ZNF3: variants seen among roughly 807,000 people sequenced by gnomAD.
ZNF3 encodes C2-H2 type zinc finger protein.
ZNF3 carries 16 observed loss-of-function variants against 36.9 expected under a neutral mutation model. The observed-to-expected ratio is 0.43, with a 90% CI of 0.29 to 0.66. ZNF3 has a LOEUF of 0.66. ZNF3 is among the 30% of genes least tolerant of loss of function. The pLI is 0.13. For synonymous variants in ZNF3, 201 were observed against 201.9 expected, an observed-to-expected ratio of 1.00 and a Z score of 0.04; for missense variants, 462 against 543.1, an observed-to-expected ratio of 0.85 and a Z score of 1.48.
At chr7:100,073,785 G>A (rs1019793118) in intron 5 of ZNF3, among the ~76,000 whole-genome samples, 1 of 152,126 alleles carries the variant, frequency 6.6e-6, no homozygotes, top group Admixed American at 6.6e-5. Flanking sequence ...GCAAAGAGCA[G>A]CACCTCATGT....
At position 100,077,220 on chromosome 7, in the gene ZNF3, G is replaced by A. The variant is rs1214709746; in HGVS notation, c.55+83C>T. The A allele has an allele frequency of 4.5e-6, 7 of 1,548,694 alleles. No individual in the cohort carries two copies. The Admixed American group carries it at 1.2e-4, about 26-fold the overall frequency. On this transcript the variant is annotated intron_variant, in intron 3 of 5. Coordinates refer to ENST00000299667, the MANE Select transcript of ZNF3 (RefSeq NM_032924.5). ...ATTCACATCTGGATTCTAGTAGTTA[G>A]CCTAGTACCTGGTAAGTGAGCGATT...
chr7:100,065,861 C>T (rs1274696464), downstream of ZNF3, among the ~76,000 whole-genome samples: 1 of 148,324 alleles, frequency 6.7e-6, no homozygotes, highest in African/African-American at 2.5e-5. Flanking sequence ...GGCCAGGACT[C>T]CATTTATCAG....
chr7:100,071,647 C>T lies in ZNF3; in HGVS notation c.837G>A (p.Thr279=), dbSNP rs765738555. The T allele has an allele frequency of 1.1e-5, 18 of 1,612,746 alleles. No individual in the cohort carries two copies. In the African/African-American group the frequency reaches 1.2e-4, roughly 11 times the overall value. Residue 279 remains threonine (T), a synonymous_variant, in exon 6 of 6, where the codon ACG becomes ACA. Transcript: ENST00000299667. ...SALILHRRIH[T]GEKPYECNEC... ...CATTACATTCATAGGGTTTCTCCCCCGTGTGGATCCTCCGATGCAGAATGA... is the reference window on the plus strand; with the variant it reads ...CATTACATTCATAGGGTTTCTCCCCTGTGTGGATCCTCCGATGCAGAATGA...
downstream of ZNF3, among the ~76,000 whole-genome samples, chr7:100,068,002 A>T (rs1792732715): frequency 6.6e-6 from 1 of 152,202 alleles, no homozygotes; most frequent in Non-Finnish European, 1.5e-5. Context: ...ACATACTATG[A>T]AACTGTAGAA....
chr7:100,073,440 C>T (rs1030058357), intron 5 of ZNF3, among the ~76,000 whole-genome samples: 4 of 152,066 alleles, frequency 2.6e-5, no homozygotes, highest in Non-Finnish European at 5.9e-5. Flanking sequence ...CCTCCACCTC[C>T]CAGGTTCAAG....
chr7:100,078,125 C>T (rs1419573010), intron 2 of ZNF3, among the ~76,000 whole-genome samples: 1 of 152,130 alleles, frequency 6.6e-6, no homozygotes. Context: ...CAATATCCCG[C>T]CTTTGGCTGC....
chr7:100,076,542 T>G (rs1192825252), intron 3 of ZNF3, among the ~76,000 whole-genome samples: 1 of 152,164 alleles, frequency 6.6e-6, no homozygotes, highest in Non-Finnish European at 1.5e-5. Flanking sequence ...TCTGCCCGCC[T>G]CAGCCTCCCT....
intron 5 of ZNF3, 83 bp from the exon 6 acceptor site, chr7:100,072,295 T>C: frequency 7.8e-7 from 1 of 1,280,768 alleles, no homozygotes; most frequent in Non-Finnish European, 1.1e-6. Flanking sequence ...TTGTAACGAA[T>C]ACTTACAGTG....
rs1033194021 is a variant in ZNF3, at chr7:100,081,525, C to G, written c.-198+110G>C. ...CGGAGGGGCGCCTCCCCGAACCCTGCTCCGGGCCGGCCGGGGGACCCTGCG... is the reference window on the plus strand; with the variant it reads ...CGGAGGGGCGCCTCCCCGAACCCTGGTCCGGGCCGGCCGGGGGACCCTGCG... On this transcript the variant is annotated intron_variant, in intron 1 of 5. Transcript: ENST00000299667. The surrounding 1 kb of genome is among the most constrained non-coding windows in gnomAD (Gnocchi z 4.3). 6.6e-6 allele frequency: 1 copy of G among 152,488 alleles called. No homozygotes were observed. Among genetic ancestry groups the G allele is most frequent in the Non-Finnish European group, 1.5e-5 (1 of 68,258 alleles). The allele number at this position is 152,488 out of a possible 1,614,324, so 9.4% of individuals were successfully genotyped here. A position where few individuals can be genotyped will look rare whatever the true frequency, so the allele number is the denominator to read the frequency against.
intron 5 of ZNF3, among the ~76,000 whole-genome samples, chr7:100,072,800 T>C (rs961712036): frequency 6.6e-6 from 1 of 152,228 alleles, no homozygotes; most frequent in Non-Finnish European, 1.5e-5. Context: ...TAAAAGGCTA[T>C]GCTCGCACGT....
chr7:100,075,467 A>G (rs1214958942), intron 4 of ZNF3, 75 bp downstream of exon 4: 6 of 1,568,168 alleles, frequency 3.8e-6, no homozygotes, highest in South Asian at 1.1e-5. Flanking sequence ...GGAGGAGATC[A>G]GGGTTTAAAG....
chr7:100,077,374 C>T lies in ZNF3; in HGVS notation c.-17G>A, dbSNP rs199891412. 1,302 of 1,613,592 alleles carry T rather than the reference C, an allele frequency of 8.1e-4. 4 individuals carry two copies. The highest frequency in any genetic ancestry group is 2.6e-3 in the South Asian group (240 of 91,052). ...AGTTTCCATGGAAGGGCAAGGTGCT[C>T]TCTGGTCTCCTGGGTGCAGACTCAG... On this transcript the variant is annotated 5_prime_UTR_variant, in exon 3 of 6. Coordinates refer to ENST00000299667, the MANE Select transcript of ZNF3 (RefSeq NM_032924.5).
downstream of ZNF3, among the ~76,000 whole-genome samples, chr7:100,067,554 G>A (rs1278239517): frequency 1.3e-5 from 2 of 152,090 alleles, no homozygotes; most frequent in East Asian, 3.9e-4. Context: ...ACAGATGTGT[G>A]CCACCACGCC....
chr7:100,076,400 C>A (rs2116396867), intron 3 of ZNF3, among the ~76,000 whole-genome samples: 1 of 152,064 alleles, frequency 6.6e-6, no homozygotes, highest in East Asian at 1.9e-4. Flanking sequence ...TCAAGCAATT[C>A]TCCTGCCTCA....
At chr7:100,076,664 C>T (rs1267705179) in intron 3 of ZNF3, among the ~76,000 whole-genome samples, 2 of 152,100 alleles carry the variant, frequency 1.3e-5, no homozygotes, top group African/African-American at 4.8e-5. Flanking sequence ...TTCCGAAGCG[C>T]CTCCTCTAAA....
chr7:100,071,251 A>G lies in ZNF3; in HGVS notation c.1233T>C (p.Leu411=). 6.2e-7 allele frequency: 1 copy of G among 1,614,224 alleles called. No individual in the cohort carries two copies. Reference sequence around the variant, plus strand: ...CAGTGTGAATTCTCTGATGGCGAACAAGAGCCGAGCTGTACCTGAAGGCTT... The same window carrying G: ...CAGTGTGAATTCTCTGATGGCGAACGAGAGCCGAGCTGTACCTGAAGGCTT... The part of the protein sequence containing the change: ...CGKAFRYSSA[L]VRHQRIHTGE... The change falls in exon 6 of 6, where the codon CTT becomes CTC. Residue 411 remains leucine, a synonymous_variant. Transcript: ENST00000299667.
chr7:100,073,398 G>C (rs1793540636), intron 5 of ZNF3, among the ~76,000 whole-genome samples: 2 of 152,032 alleles, frequency 1.3e-5, no homozygotes, highest in Admixed American at 6.6e-5. Context: ...GCCCAGGATG[G>C]AGTGCAGTGG....
At chr7:100,078,208 A>C (rs1291975050) in intron 2 of ZNF3, among the ~76,000 whole-genome samples, 2 of 151,842 alleles carry the variant, frequency 1.3e-5, no homozygotes, top group African/African-American at 4.8e-5. Flanking sequence ...TAAAAAGACT[A>C]CTCCCAGGCT....
At position 100,070,377 on chromosome 7, in the gene ZNF3, A is replaced by G. The variant is rs1426947006; in HGVS notation, c.*766T>C. ...TTCATCATTGGAGTGGGAAGAGGAC[A>G]AGAGAGGACAGCAATCAGAGGCCAA... On this transcript the variant is annotated 3_prime_UTR_variant, in exon 6 of 6. Coordinates refer to ENST00000299667, the MANE Select transcript of ZNF3 (RefSeq NM_032924.5). 2 of 985,342 alleles carry G rather than the reference A, an allele frequency of 2.0e-6. No homozygotes were observed. The highest frequency in any genetic ancestry group is 1.7e-5 in the African/African-American group (1 of 57,240). The allele number at this position is 985,342 out of a possible 1,614,324, so 61.0% of individuals were successfully genotyped here.
Sources: gnomAD v4.1 joint callset for allele counts (sites outside exome capture counted in the v4.1 genomes callset) on GRCh38, gnomAD v4.1.1 for gene constraint, Gnocchi (gnomAD v3.1) non-coding constraint, MANE v1.5 for transcripts, NCBI Gene and HGNC (gene_info 2026-07-23, HGNC 2026-07-21) for gene names.